FUCA2: variants seen among roughly 807,000 people sequenced by gnomAD.
FUCA2 encodes the protein plasma alpha-L-fucosidase.
In FUCA2, 41 loss-of-function variants were observed where a neutral mutation model predicts 52.6. The ratio of observed to expected loss-of-function variants is 0.78; its 90% CI spans 0.61 to 1.01. The LOEUF is 1.01. Ranked by LOEUF, FUCA2 falls within the 50% of genes least tolerant of loss-of-function variation. The pLI is 0.00. For missense variants in FUCA2, 507 were observed against 569.5 expected (o/e 0.89, Z 1.12); for synonymous variants, 211 against 217.3 (o/e 0.97, Z 0.26).
rs892733028 is a variant in FUCA2 at position 143,511,537 on chromosome 6, C to T, written c.98G>A (p.Arg33His). 7 of 1,584,586 alleles carry T rather than the reference C, an allele frequency of 4.4e-6. No homozygotes were observed. Among genetic ancestry groups the T allele is most frequent in the Non-Finnish European group, 6.0e-6 (7 of 1,165,904 alleles). The change falls in exon 1 of 7, where the codon CGC (arginine) becomes CAC (histidine). Residue 33 changes from arginine to histidine, a missense_variant. Transcript: ENST00000002165. This position sits in a 1 kb window ranked among gnomAD's most constrained non-coding sequence, Gnocchi z 6.3. ...PPPCPAHSAT[R>H]FDPTWESLDA... Reference sequence around the variant, plus strand: ...CAGGGACTCCCAGGTGGGGTCGAAGCGCGTGGCGCTGTGGGCAGGGCACGG... The same window carrying T: ...CAGGGACTCCCAGGTGGGGTCGAAGTGCGTGGCGCTGTGGGCAGGGCACGG...
rs773356326 is a variant in FUCA2 at position 143,497,500 on chromosome 6, G to C, written c.1155-3C>G. Reference sequence around the variant, plus strand: ...TTTCTTTAGGCTTGGATGTGTACCTGGTTAAAAGAAAAAAATAAAGAGCAT... The same window carrying C: ...TTTCTTTAGGCTTGGATGTGTACCTCGTTAAAAGAAAAAAATAAAGAGCAT... On this transcript the variant is annotated splice_polypyrimidine_tract_variant and splice_region_variant and intron_variant, in intron 5 of 6. Coordinates refer to ENST00000002165, the MANE Select transcript of FUCA2 (RefSeq NM_032020.5). The surrounding 1 kb of genome is among the most constrained non-coding windows in gnomAD (Gnocchi z 5.3). The C allele has an allele frequency of 3.2e-6, 5 of 1,551,440 alleles. No individual in the cohort carries two copies. The highest frequency in any genetic ancestry group is 1.1e-5 in the South Asian group (1 of 88,758).
Position 143,511,706 on chromosome 6 carries a change from CGCT to C in FUCA2, c.-75_-73del. 1 of 1,339,202 alleles carries C rather than the reference CGCT, an allele frequency of 7.5e-7. No individual in the cohort carries two copies. The allele number at this position is 1,339,202 out of a possible 1,614,324, so 83.0% of individuals were successfully genotyped here. A position where few individuals can be genotyped will look rare whatever the true frequency, so the allele number is the denominator to read the frequency against. On this transcript the variant is annotated 5_prime_UTR_variant, in exon 1 of 7. Transcript: ENST00000002165. The surrounding 1 kb of genome is among the most constrained non-coding windows in gnomAD (Gnocchi z 6.3). ...GGGAGCGCTGTTCTTCCGTCTCTGC[CGCT>C]GAGTATGCCGCGCCGCGGTCACCTG...
chr6:143,504,103 G>T lies in FUCA2; in HGVS notation c.562C>A (p.His188Asn), dbSNP rs898254349. 3.7e-6 allele frequency: 6 copies of T among 1,613,960 alleles called. No homozygotes were observed. The highest frequency in any genetic ancestry group is 1.1e-5 in the South Asian group (1 of 91,076). Residue 188 changes from histidine to asparagine, a missense_variant, in exon 3 of 7, where the codon CAT becomes AAT. Coordinates refer to ENST00000002165, the MANE Select transcript of FUCA2 (RefSeq NM_032020.5). This position sits in a 1 kb window ranked among gnomAD's most constrained non-coding sequence, Gnocchi z 4.4. ...GLYYSLFEWF[H>N]PLFLEDESSS... ...GATTCATCCTCAAGGAAGAGCGGAT[G>T]AAACCATTCAAAAAGGGAATAGTAC... is the stretch of plus-strand genomic sequence containing the variant.
chr6:143,498,628 T>A (rs776485529), intron 5 of FUCA2, among the ~76,000 whole-genome samples: 6 of 151,576 alleles, frequency 4.0e-5, no homozygotes, highest in Non-Finnish European at 7.4e-5. Flanking sequence ...TGGGGGAGGG[T>A]GATGGCAGAT....
chr6:143,504,038 T>C lies in FUCA2; in HGVS notation c.627A>G (p.Thr209=). 2.5e-6 allele frequency: 4 copies of C among 1,614,172 alleles called. No homozygotes were observed. The highest frequency in any genetic ancestry group is 3.4e-6 in the Non-Finnish European group (4 of 1,180,026). The change falls in exon 3 of 7, where the codon ACA becomes ACG. Residue 209 remains threonine, a synonymous_variant. Coordinates refer to ENST00000002165, the MANE Select transcript of FUCA2 (RefSeq NM_032020.5). The surrounding 1 kb of genome is among the most constrained non-coding windows in gnomAD (Gnocchi z 4.4). ...TCACTAACTCATAGAGCTCTGGCAA[T>C]GTCTTAGAAACTGGAAATTGCCGCT... The part of the protein sequence containing the change: ...FHKRQFPVSK[T]LPELYELVNN...
In FUCA2 at chr6:143,495,590, G is replaced by T; in HGVS notation, c.*117C>A. ...TGGGAAAAAGGGAAAGGGCTGAACT[G>T]CCAAAATAATTTTCTTATCCAGTTT... is the stretch of plus-strand genomic sequence containing the variant. On this transcript the variant is annotated 3_prime_UTR_variant, in exon 7 of 7. Transcript: ENST00000002165. The surrounding 1 kb of genome is among the most constrained non-coding windows in gnomAD (Gnocchi z 5.2). 1 of 1,107,050 alleles carries T rather than the reference G, an allele frequency of 9.0e-7. No homozygotes were observed. The allele number at this position is 1,107,050 out of a possible 1,614,324, so 68.6% of individuals were successfully genotyped here. A position where few individuals can be genotyped will look rare whatever the true frequency, so the allele number is the denominator to read the frequency against.
chr6:143,495,787 T>TA lies in FUCA2; in HGVS notation c.1323dup (p.Met442TyrfsTer15). 6.2e-7 allele frequency: 1 copy of TA among 1,613,976 alleles called. No homozygotes were observed. The highest frequency in any genetic ancestry group is 8.5e-7 in the Non-Finnish European group (1 of 1,179,854). On this transcript the variant is annotated frameshift_variant, in exon 7 of 7. Transcript: ENST00000002165. LOFTEE classifies it low-confidence loss of function (END_TRUNC). This position sits in a 1 kb window ranked among gnomAD's most constrained non-coding sequence, Gnocchi z 5.2. ...ATGGTTAGCTGTGGCAGTTCTACCATAATGCCATTTTGCTCCAAAGAAATC... is the reference window on the plus strand; with the variant it reads ...ATGGTTAGCTGTGGCAGTTCTACCATAAATGCCATTTTGCTCCAAAGAAATC...
intron 6 of FUCA2, among the ~76,000 whole-genome samples, chr6:143,496,080 G>A (rs1227746644): frequency 6.6e-6 from 1 of 152,094 alleles, no homozygotes; most frequent in Non-Finnish European, 1.5e-5. Context: ...GCAGGGGTTG[G>A]GGAAGGAGAA....
At position 143,503,962 on chromosome 6, in the gene FUCA2, C is replaced by G. The variant is rs1318192043; in HGVS notation, c.703G>C (p.Asp235His). ...LWSDGDGGAP[D>H]QYWNSTGFLA... is the part of the protein sequence containing the mutation. ...AAGCCTGTGCTGTTCCAGTATTGAT[C>G]CGGTGCTCCTCCGTCACCATCCGAC... The change falls in exon 3 of 7, where the codon GAT becomes CAT. Residue 235 changes from aspartate to histidine, a missense_variant. Physicochemically the swap from Asp to His is moderately conservative, Grantham distance 81 (BLOSUM62 -1). Transcript: ENST00000002165. This position sits in a 1 kb window ranked among gnomAD's most constrained non-coding sequence, Gnocchi z 4.8. The G allele has an allele frequency of 1.2e-6, 2 of 1,613,984 alleles. No individual in the cohort carries two copies. Among genetic ancestry groups the G allele is most frequent in the African/African-American group, 2.7e-5 (2 of 74,898 alleles).
intron 2 of FUCA2, chr6:143,505,417 T>G (rs1780590459): frequency 6.7e-6 from 1 of 148,892 alleles, no homozygotes; most frequent in Non-Finnish European, 1.5e-5. Flanking sequence ...TGGGCTCAAG[T>G]GATGCTCCCA....
rs917180561 is a variant in FUCA2 at position 143,509,511 on chromosome 6, AC to A, written c.224+1899del. 2.6e-5 allele frequency among the ~76,000 whole-genome samples: 4 copies of A among 152,358 alleles called. No individual in the cohort carries two copies. The highest frequency in any genetic ancestry group is 9.6e-5 in the African/African-American group (4 of 41,590). On this transcript the variant is annotated intron_variant, in intron 1 of 6. Coordinates refer to ENST00000002165, the MANE Select transcript of FUCA2 (RefSeq NM_032020.5). This position sits in a 1 kb window ranked among gnomAD's most constrained non-coding sequence, Gnocchi z 5.4. ...ACTAGCTGTTTTATTTTGGCATAGT[AC>A]TAGTCTCAGTCAAAAATGTCAAATC... is the stretch of plus-strand genomic sequence containing the variant.
rs1210879730 is a variant in FUCA2 at position 143,502,611 on chromosome 6, T to C, written c.753-46A>G. 6.7e-7 allele frequency: 1 copy of C among 1,492,628 alleles called. No homozygotes were observed. The highest frequency in any genetic ancestry group is 9.2e-7 in the Non-Finnish European group (1 of 1,086,924). 92.5% of individuals were successfully genotyped at this position (1,492,628 alleles called of 1,614,324 possible). ...TTTTAAAACAAAAGGTATAAGCTTTTTATACAAAAAGAAATGTCACTGAAA... is the reference window on the plus strand; with the variant it reads ...TTTTAAAACAAAAGGTATAAGCTTTCTATACAAAAAGAAATGTCACTGAAA... On this transcript the variant is annotated intron_variant, in intron 3 of 6. Transcript: ENST00000002165. This position sits in a 1 kb window ranked among gnomAD's most constrained non-coding sequence, Gnocchi z 4.1.
chr6:143,508,015 T>G (rs756365625), intron 1 of FUCA2, among the ~76,000 whole-genome samples: 7 of 152,212 alleles, frequency 4.6e-5, no homozygotes, highest in Non-Finnish European at 1.0e-4. Flanking sequence ...ATGTAGTATA[T>G]GTCTTTACAC....
At position 143,511,332 on chromosome 6, in the gene FUCA2, C is replaced by G; in HGVS notation, c.224+79G>C. 6 of 1,379,552 alleles carry G rather than the reference C, an allele frequency of 4.3e-6. No individual in the cohort carries two copies. In the Admixed American group the frequency reaches 1.3e-4, roughly 31 times the overall value. The allele number at this position is 1,379,552 out of a possible 1,614,324, so 85.5% of individuals were successfully genotyped here. ...GGTGCAGGCAGCACCAGGCGGCGAA[C>G]CAGGCCCGCTGGGTGGTGGCTGGAG... On this transcript the variant is annotated intron_variant, in intron 1 of 6. Coordinates refer to ENST00000002165, the MANE Select transcript of FUCA2 (RefSeq NM_032020.5). This position sits in a 1 kb window ranked among gnomAD's most constrained non-coding sequence, Gnocchi z 6.3.
intron 5 of FUCA2, among the ~76,000 whole-genome samples, chr6:143,498,171 A>C (rs1367384006): frequency 7.0e-5 from 3 of 42,856 alleles, no homozygotes; most frequent in African/African-American, 2.9e-4. Context: ...TGCTGTGGAC[A>C]AAAAAAAAAG....
chr6:143,495,926 T>G lies in FUCA2; in HGVS notation c.1264-79A>C. ...CCACTTTCTATTGGGAAGGAGTGATTAGTAGTTCAAACAAAATTGTAGACA... is the reference window on the plus strand; with the variant it reads ...CCACTTTCTATTGGGAAGGAGTGATGAGTAGTTCAAACAAAATTGTAGACA... On this transcript the variant is annotated intron_variant, in intron 6 of 6. Coordinates refer to ENST00000002165, the MANE Select transcript of FUCA2 (RefSeq NM_032020.5). The surrounding 1 kb of genome is among the most constrained non-coding windows in gnomAD (Gnocchi z 5.2). 6.8e-7 allele frequency: 1 copy of G among 1,473,776 alleles called. No individual in the cohort carries two copies. Among genetic ancestry groups the G allele is most frequent in the Non-Finnish European group, 9.3e-7 (1 of 1,078,252 alleles). 91.3% of individuals were successfully genotyped at this position (1,473,776 alleles called of 1,614,324 possible).
chr6:143,496,195 T>C, intron 6 of FUCA2: 2 of 198,984 alleles, frequency 1.0e-5, no homozygotes, highest in South Asian at 3.0e-4. Context: ...CTACTCAGCG[T>C]TCCTCCCCCA....
intron 5 of FUCA2, among the ~76,000 whole-genome samples, chr6:143,498,832 T>C (rs944968467): frequency 6.6e-6 from 1 of 152,176 alleles, no homozygotes; most frequent in Non-Finnish European, 1.5e-5. Context: ...AAGAAGCTAC[T>C]GAAATAATCC....
Position 143,504,338 on chromosome 6 carries a change from A to G in FUCA2, c.413-86T>C. ...CCACACAAATGCCCAAACAAATCAC[A>G]TAGTACATGCGATATATAAATACCT... is the stretch of plus-strand genomic sequence containing the variant. On this transcript the variant is annotated intron_variant, in intron 2 of 6. Transcript: ENST00000002165. The surrounding 1 kb of genome is among the most constrained non-coding windows in gnomAD (Gnocchi z 4.4). The G allele has an allele frequency of 9.0e-7, 1 of 1,107,864 alleles. No individual in the cohort carries two copies. The highest frequency in any genetic ancestry group is 1.3e-6 in the Non-Finnish European group (1 of 761,952). The allele number at this position is 1,107,864 out of a possible 1,614,324, so 68.6% of individuals were successfully genotyped here.
Sources: allele counts gnomAD v4.1 joint callset (sites outside exome capture counted in the v4.1 genomes callset), GRCh38; gene constraint gnomAD v4.1.1; non-coding constraint Gnocchi (gnomAD v3.1); transcripts MANE v1.5; gene names NCBI Gene and HGNC (gene_info 2026-07-23, HGNC 2026-07-21).